PDIA6: variants seen among roughly 807,000 people sequenced by gnomAD.
The protein encoded by PDIA6 is protein disulfide isomerase family A member 6, also known as protein disulfide-isomerase A6.
PDIA6 carries 29 observed loss-of-function variants against 58.4 expected under a neutral mutation model. The observed-to-expected ratio is 0.50, with a 90% confidence interval of 0.37 to 0.68. PDIA6 has a LOEUF of 0.68. Among genes scored for constraint, PDIA6 ranks in the 30% least tolerant of loss-of-function variants. The pLI, the probability that PDIA6 is intolerant of heterozygous loss-of-function variation, is 0.00. For synonymous variants in PDIA6, 192 were observed against 202.6 expected, an observed-to-expected ratio of 0.95 and a Z score of 0.44; for missense variants, 480 against 551.0, an observed-to-expected ratio of 0.87 and a Z score of 1.29.
upstream of PDIA6, among the ~76,000 whole-genome samples, chr2:10,814,072 G>A (rs1223970981): frequency 6.6e-6 from 1 of 152,134 alleles, no homozygotes; most frequent in Non-Finnish European, 1.5e-5. Context: ...GTATCTTTCC[G>A]CCTTGATTCT....
intron 8 of PDIA6, 31 bp downstream of exon 8, chr2:10,789,718 T>G: frequency 6.2e-7 from 1 of 1,606,778 alleles, no homozygotes; most frequent in Non-Finnish European, 8.5e-7. Context: ...TAAAAAAGCT[T>G]TCTGGACTAC....
At chr2:10,816,077 CTT>C (rs57404091), upstream of PDIA6, among the ~76,000 whole-genome samples, 603 of 96,396 alleles carry the variant, frequency 6.3e-3, 1 homozygote, top group Middle Eastern at 0.026. Context: ...AATCATTTGT[CTT>C]TTTTTTTTTT....
upstream of PDIA6, among the ~76,000 whole-genome samples, chr2:10,813,617 C>G (rs977640429): frequency 2.0e-5 from 3 of 152,152 alleles, no homozygotes; most frequent in East Asian, 1.9e-4. Flanking sequence ...TGGGCCACCA[C>G]GCCCGGCAAA....
At chr2:10,827,335 T>A (rs1667579637) in intron 1 of PDIA6, among the ~76,000 whole-genome samples, 1 of 151,946 alleles carries the variant, frequency 6.6e-6, no homozygotes, top group Admixed American at 6.6e-5. Flanking sequence ...AGTGCTGGGA[T>A]TACAGGTGTG....
intron 10 of PDIA6, 123 bp downstream of exon 10, chr2:10,788,574 A>C: frequency 1.4e-6 from 1 of 719,024 alleles, no homozygotes; most frequent in Non-Finnish European, 2.4e-6. Flanking sequence ...GAGGGAAAAA[A>C]AAAAAAAACA....
chr2:10,834,717 C>CCCTCCCTCCCTCCCTCCCTT (rs1667787661), upstream of PDIA6, among the ~76,000 whole-genome samples: 1 of 49,690 alleles, frequency 2.0e-5, no homozygotes, highest in Admixed American at 2.1e-4. Flanking sequence ...CTCCCTCCCT[C>CCCTCCCTCCCTCCCTCCCTT]CCTCCCTTCC....
At chr2:10,798,400 T>C (rs967972916) in intron 2 of PDIA6, among the ~76,000 whole-genome samples, 14 of 151,984 alleles carry the variant, frequency 9.2e-5, no homozygotes, top group Admixed American at 9.2e-4. Flanking sequence ...ACACCCTGTC[T>C]CTACTAAAAA....
chr2:10,787,246 G>C, intron 11 of PDIA6, 35 bp downstream of exon 11: 1 of 1,590,914 alleles, frequency 6.3e-7, no homozygotes, highest in Non-Finnish European at 8.6e-7. Context: ...CAAACAAACA[G>C]ACAAAACAAC....
Position 10,783,713 on chromosome 2 carries a change from G to A in PDIA6, c.*545C>T, listed in dbSNP as rs1406265776. On this transcript the variant is annotated 3_prime_UTR_variant, in exon 13 of 13. Coordinates refer to ENST00000272227, the MANE Select transcript of PDIA6 (RefSeq NM_005742.4). Reference sequence around the variant, plus strand: ...AAAATCTCTGTTGTGGTGGGCATAGGTGGCACCATCTAAAGAAAAGAGGTC... The same window carrying A: ...AAAATCTCTGTTGTGGTGGGCATAGATGGCACCATCTAAAGAAAAGAGGTC... 6.3e-6 allele frequency: 1 copy of A among 159,940 alleles called. No homozygotes were observed. The highest frequency in any genetic ancestry group is 1.4e-5 in the Non-Finnish European group (1 of 72,978). 9.9% of individuals were successfully genotyped at this position (159,940 alleles called of 1,614,324 possible).
At chr2:10,810,317 C>A in intron 1 of PDIA6, 2 of 1,532,930 alleles carry the variant, frequency 1.3e-6, no homozygotes, top group Non-Finnish European at 1.7e-6. Flanking sequence ...ATCCACAGAG[C>A]ATCATTAGGT....
At chr2:10,785,223 A>T in intron 11 of PDIA6, 193 bp from the exon 12 acceptor site, 1 of 536,548 alleles carries the variant, frequency 1.9e-6, no homozygotes, top group Non-Finnish European at 3.3e-6. Flanking sequence ...TTACAACCAG[A>T]TTCAACATTC....
chr2:10,807,571 CTTTT>C (rs534104873), intron 1 of PDIA6, among the ~76,000 whole-genome samples: 123 of 152,294 alleles, frequency 8.1e-4, no homozygotes, highest in South Asian at 3.1e-3. Flanking sequence ...TCATTTCTTC[CTTTT>C]AATTTGTTGA....
chr2:10,798,900 C>T (rs1001756049), intron 2 of PDIA6, among the ~76,000 whole-genome samples: 3 of 152,224 alleles, frequency 2.0e-5, no homozygotes, highest in Middle Eastern at 3.4e-3. Flanking sequence ...TTCTGGGTCC[C>T]GCAAATTGCT....
At chr2:10,813,519 T>G (rs7560564), upstream of PDIA6, among the ~76,000 whole-genome samples, 28 of 152,246 alleles carry the variant, frequency 1.8e-4, no homozygotes, top group African/African-American at 6.5e-4. Flanking sequence ...TGGCGAGCAG[T>G]GGCATGATAC....
At chr2:10,824,057 A>G (rs554781607) in intron 1 of PDIA6, among the ~76,000 whole-genome samples, 28 of 151,918 alleles carry the variant, frequency 1.8e-4, no homozygotes, top group African/African-American at 6.5e-4. Flanking sequence ...TATTTTTGCC[A>G]CCTCCTTGTT....
intron 1 of PDIA6, among the ~76,000 whole-genome samples, chr2:10,828,886 C>A (rs950442300): frequency 1.3e-5 from 2 of 152,204 alleles, no homozygotes; most frequent in Non-Finnish European, 2.9e-5. Flanking sequence ...GCATGACCAG[C>A]AAAGCAGGGC....
intron 2 of PDIA6, among the ~76,000 whole-genome samples, chr2:10,818,488 T>TATATATA (rs1558460317): frequency 3.4e-4 from 32 of 94,988 alleles, no homozygotes; most frequent in African/African-American, 1.2e-3. Flanking sequence ...TTTAATTTAT[T>TATATATA]TATTTATTTA....
intron 1 of PDIA6, chr2:10,820,976 G>C: frequency 1.5e-6 from 1 of 648,634 alleles, no homozygotes; most frequent in African/African-American, 1.8e-5. Flanking sequence ...AACTGACCCT[G>C]GTTAAGCAGG....
intron 4 of PDIA6, among the ~76,000 whole-genome samples, chr2:10,794,752 C>A (rs1295100525): frequency 6.6e-6 from 1 of 151,990 alleles, no homozygotes; most frequent in Non-Finnish European, 1.5e-5. Flanking sequence ...CATGGTGAAA[C>A]CCCATCTCTA....
Sources: allele counts gnomAD v4.1 joint callset (sites outside exome capture counted in the v4.1 genomes callset), GRCh38; gene constraint gnomAD v4.1.1; transcripts MANE v1.5; gene names NCBI Gene and HGNC (gene_info 2026-07-23, HGNC 2026-07-21).